Variants in ESM1 observed in about 807,000 individuals in gnomAD.
The protein encoded by ESM1 is endothelial cell specific molecule 1.
Under a neutral mutation model 14.9 loss-of-function variants are expected in ESM1, and 7 were observed. That is an observed-to-expected ratio of 0.47 (90% CI 0.27 to 0.88). ESM1 has a LOEUF of 0.88. Ranked by LOEUF, ESM1 falls within the 40% of genes least tolerant of loss-of-function variation. ESM1 has a pLI of 0.14. For synonymous variants in ESM1, 89 were observed against 89.4 expected (o/e 1.00, Z 0.02); for missense variants, 192 against 237.9 (o/e 0.81, Z 1.27).
intron 1 of ESM1, among the ~76,000 whole-genome samples, chr5:54,982,629 G>A (rs1046490835): frequency 2.0e-5 from 3 of 152,068 alleles, no homozygotes; most frequent in Non-Finnish European, 4.4e-5. Context: ...AACTAACCAG[G>A]GAGAGAGCTA....
At position 54,978,521 on chromosome 5, in the gene ESM1, TGCACTA is replaced by T. The variant is rs1394444866; in HGVS notation, c.*805_*810del. ...ATAAATATGGGTAGGGAAGATGACTTGCACTAACACATTTATTTATAAAAATATATA... is the reference window on the plus strand; with the variant it reads ...ATAAATATGGGTAGGGAAGATGACTTACACATTTATTTATAAAAATATATA... On this transcript the variant is annotated 3_prime_UTR_variant, in exon 3 of 3. Transcript: ENST00000381405. 1 of 152,112 alleles carries T rather than the reference TGCACTA, an allele frequency of 6.6e-6. No individual in the cohort carries two copies. The highest frequency in any genetic ancestry group is 1.9e-4 in the East Asian group (1 of 5,200). The allele number at this position is 152,112 out of a possible 1,614,324, so 9.4% of individuals were successfully genotyped here.
intron 2 of ESM1, among the ~76,000 whole-genome samples, chr5:54,980,777 CT>C (rs1227263817): frequency 6.6e-6 from 1 of 152,138 alleles, no homozygotes; most frequent in Non-Finnish European, 1.5e-5. Flanking sequence ...GATATTTCCG[CT>C]TCATTTTAAT....
intron 1 of ESM1, 114 bp from the exon 2 acceptor site, chr5:54,982,260 T>A: frequency 1.0e-6 from 1 of 963,054 alleles, no homozygotes; most frequent in Non-Finnish European, 1.5e-6. Flanking sequence ...ACCTTGACTG[T>A]AAAGTAAAAT....
At chr5:54,981,361 T>C (rs1744048459) in intron 2 of ESM1, among the ~76,000 whole-genome samples, 1 of 152,202 alleles carries the variant, frequency 6.6e-6, no homozygotes, top group Admixed American at 6.5e-5. Context: ...ATCTCATAGG[T>C]TGTGTATTCC....
At chr5:54,981,728 T>C (rs1054805868) in intron 2 of ESM1, among the ~76,000 whole-genome samples, 2 of 152,204 alleles carry the variant, frequency 1.3e-5, no homozygotes, top group East Asian at 1.9e-4. Context: ...AGATTTTTGG[T>C]AATCAATCAT....
intron 2 of ESM1, 64 bp from the exon 3 acceptor site, chr5:54,979,499 C>T (rs1744010046): frequency 8.6e-7 from 1 of 1,166,930 alleles, no homozygotes; most frequent in Admixed American, 1.9e-5. Context: ...CACAGTTTTG[C>T]TTTATTTTTG....
chr5:54,983,304 G>A (rs544621975), intron 1 of ESM1, among the ~76,000 whole-genome samples: 59 of 152,312 alleles, frequency 3.9e-4, no homozygotes, highest in African/African-American at 1.2e-3. Context: ...AAAGCACACA[G>A]GATTAGGATT....
intron 2 of ESM1, among the ~76,000 whole-genome samples, chr5:54,980,548 C>A (rs772857488): frequency 1.3e-5 from 2 of 152,148 alleles, no homozygotes; most frequent in Non-Finnish European, 2.9e-5. Flanking sequence ...TAAGGTTTAC[C>A]AAGATCACAC....
intron 1 of ESM1, among the ~76,000 whole-genome samples, chr5:54,984,570 A>G (rs567055185): frequency 1.4e-3 from 212 of 152,134 alleles, no homozygotes; most frequent in Non-Finnish European, 2.6e-3. Context: ...ATTTTTCTCT[A>G]TTGTTATTTT....
At chr5:54,984,756 T>C (rs897576711) in intron 1 of ESM1, among the ~76,000 whole-genome samples, 1 of 152,176 alleles carries the variant, frequency 6.6e-6, no homozygotes, top group African/African-American at 2.4e-5. Flanking sequence ...TATTTGATCT[T>C]GAGAGTGGCC....
chr5:54,983,595 T>C (rs1472800765), intron 1 of ESM1, among the ~76,000 whole-genome samples: 1 of 152,200 alleles, frequency 6.6e-6, no homozygotes, highest in Non-Finnish European at 1.5e-5. Flanking sequence ...CTATCTCGAG[T>C]TGCTAAGGCT....
At chr5:54,980,198 A>G (rs1020143481) in intron 2 of ESM1, among the ~76,000 whole-genome samples, 4 of 152,216 alleles carry the variant, frequency 2.6e-5, no homozygotes, top group African/African-American at 9.6e-5. Flanking sequence ...GCCAAAAAAA[A>G]GAACACCAAG....
In ESM1 at chr5:54,985,424, A is replaced by C. The variant is rs1290505715; in HGVS notation, c.94T>G (p.Cys32Gly). The C allele has an allele frequency of 4.3e-6, 7 of 1,614,000 alleles. No individual in the cohort carries two copies. Among genetic ancestry groups the C allele is most frequent in the Non-Finnish European group, 5.9e-6 (7 of 1,180,014 alleles). ...NNYAVDCPQH[C>G]DSSECKSSPR... ...CTGCTTTTGCACTCACTGCTGTCAC[A>C]GTGTTGAGGGCAGTCCACCGCATAA... The change falls in exon 1 of 3, where the codon TGT (cysteine) becomes GGT (glycine). Residue 32 changes from cysteine to glycine, a missense_variant. By Grantham distance (159) the Cys-to-Gly change is radical. Transcript: ENST00000381405.
intron 2 of ESM1, among the ~76,000 whole-genome samples, chr5:54,980,924 T>C (rs1207853300): frequency 6.6e-6 from 1 of 152,174 alleles, no homozygotes; most frequent in Non-Finnish European, 1.5e-5. Flanking sequence ...GAATTGTTAT[T>C]TATAGTTGTG....
chr5:54,985,188 G>A, intron 1 of ESM1, 29 bp downstream of exon 1: 1 of 1,558,328 alleles, frequency 6.4e-7, no homozygotes, highest in Non-Finnish European at 8.7e-7. Flanking sequence ...CATGCCCCGG[G>A]AGGGGAGAGG....
At chr5:54,983,409 CAGAT>C (rs1740436657) in intron 1 of ESM1, among the ~76,000 whole-genome samples, 3 of 152,306 alleles carry the variant, frequency 2.0e-5, no homozygotes, top group Admixed American at 2.0e-4. Flanking sequence ...CAGTGCTGGG[CAGAT>C]AGTAAGTGTT....
chr5:54,981,867 T>C (rs1744058143), intron 2 of ESM1, 130 bp downstream of exon 2: 2 of 933,734 alleles, frequency 2.1e-6, no homozygotes, highest in East Asian at 5.4e-5. Context: ...CCACCCACCG[T>C]TCCCCTGAGT....
intron 1 of ESM1, among the ~76,000 whole-genome samples, chr5:54,983,239 T>C (rs1235184127): frequency 1.3e-5 from 2 of 152,208 alleles, no homozygotes; most frequent in African/African-American, 4.8e-5. Context: ...AACACTGTTC[T>C]CTTTGCTGGG....
chr5:54,984,500 C>T lies in ESM1; in HGVS notation c.301+717G>A, dbSNP rs375758602. On this transcript the variant is annotated intron_variant, in intron 1 of 2. Coordinates refer to ENST00000381405, the MANE Select transcript of ESM1 (RefSeq NM_007036.5). ...ATTATTTAGCTAAAATTTCAACCGACGAAGTTTTTCTTTAAGTGTACAAGT... is the reference window on the plus strand; with the variant it reads ...ATTATTTAGCTAAAATTTCAACCGATGAAGTTTTTCTTTAAGTGTACAAGT... 8.5e-5 allele frequency among the ~76,000 whole-genome samples: 13 copies of T among 152,248 alleles called. No individual in the cohort carries two copies. In the South Asian group the frequency reaches 1.5e-3, roughly 17 times the overall value.
Sources: allele counts gnomAD v4.1 joint callset (sites outside exome capture counted in the v4.1 genomes callset), GRCh38; gene constraint gnomAD v4.1.1; transcripts MANE v1.5; gene names NCBI Gene and HGNC (gene_info 2026-07-23, HGNC 2026-07-21).